The following PPARGC1A variants were observed in gnomAD, a reference collection of about 807,000 sequenced individuals.
PPARGC1A encodes peroxisome proliferator-activated receptor gamma coactivator 1-alpha.
PPARGC1A carries 25 observed loss-of-function variants against 88.7 expected under a neutral mutation model. The ratio of observed to expected loss-of-function variants is 0.28; its 90% CI spans 0.21 to 0.39. The LOEUF is 0.39. Ranked by LOEUF, PPARGC1A falls within the 10% of genes least tolerant of loss-of-function variation. The probability of loss-of-function intolerance (pLI) is 1.00; values close to 1 mark genes in which losing one functional copy is unlikely to be tolerated. For synonymous variants in PPARGC1A, 363 were observed against 355.6 expected, an observed-to-expected ratio of 1.02 and a Z score of -0.24; for missense variants, 880 against 968.7, an observed-to-expected ratio of 0.91 and a Z score of 1.22.
chr4:23,834,210 G>C (rs1725583534), intron 2 of PPARGC1A, among the ~76,000 whole-genome samples: 1 of 152,156 alleles, frequency 6.6e-6, no homozygotes, highest in Non-Finnish European at 1.5e-5. Context: ...TGAGGCAGGA[G>C]AATGGTGTGA....
the PPARGC1A span, among the ~76,000 whole-genome samples, chr4:24,125,405 C>T: frequency 7.8e-4 from 119 of 152,124 alleles, no homozygotes; most frequent in African/African-American, 2.6e-3. Flanking sequence ...TTTCTGATTA[C>T]GTAACCTGGA....
the PPARGC1A span, among the ~76,000 whole-genome samples, chr4:24,088,629 AAGTTT>A: frequency 6.6e-6 from 1 of 152,212 alleles, no homozygotes; most frequent in Non-Finnish European, 1.5e-5. Context: ...TAAGAATTAT[AAGTTT>A]AGTTTAGTGT....
chr4:24,162,003 CACACACA>C, the PPARGC1A span, among the ~76,000 whole-genome samples: 2 of 144,652 alleles, frequency 1.4e-5, no homozygotes, highest in African/African-American at 5.2e-5. Flanking sequence ...CACACACACA[CACACACA>C]CACCATGGAA....
chr4:24,118,001 G>A, the PPARGC1A span, among the ~76,000 whole-genome samples: 20 of 152,146 alleles, frequency 1.3e-4, no homozygotes, highest in East Asian at 3.7e-3. Context: ...GCTGTGTTAG[G>A]CCAACCCATC....
intron 7 of PPARGC1A, among the ~76,000 whole-genome samples, chr4:23,821,860 C>T (rs186084422): frequency 6.6e-6 from 1 of 151,932 alleles, no homozygotes; most frequent in Non-Finnish European, 1.5e-5. Flanking sequence ...GCCCAACATC[C>T]AAGCCAAGGT....
the PPARGC1A span, among the ~76,000 whole-genome samples, chr4:24,354,811 C>T: frequency 1.6e-4 from 24 of 151,960 alleles, no homozygotes; most frequent in Non-Finnish European, 2.6e-4. Context: ...GGCATGAACC[C>T]GGGAGGCGGA....
the PPARGC1A span, among the ~76,000 whole-genome samples, chr4:24,134,232 G>A: frequency 1.3e-5 from 2 of 152,180 alleles, no homozygotes; most frequent in African/African-American, 4.8e-5. Context: ...TCAGAATTAA[G>A]GGAAATACAA....
chr4:24,120,991 C>T, the PPARGC1A span, among the ~76,000 whole-genome samples: 1 of 152,206 alleles, frequency 6.6e-6, no homozygotes, highest in Non-Finnish European at 1.5e-5. Context: ...TTTTCTCTCT[C>T]CAATAGCAAC....
At chr4:23,882,693 A>C (rs574646143) in intron 2 of PPARGC1A, 1 of 152,270 alleles carries the variant, frequency 6.6e-6, no homozygotes, top group East Asian at 1.9e-4. Context: ...AGAGTGCTGA[A>C]AATAATTTTA....
chr4:24,049,668 G>C, the PPARGC1A span, among the ~76,000 whole-genome samples: 115 of 152,080 alleles, frequency 7.6e-4, no homozygotes, highest in African/African-American at 2.7e-3. Context: ...TTTGCTCCTT[G>C]CCTCATGGAG....
the PPARGC1A span, among the ~76,000 whole-genome samples, chr4:23,984,918 G>C: frequency 6.6e-6 from 1 of 152,104 alleles, no homozygotes; most frequent in South Asian, 2.1e-4. Context: ...GCATTGGGAA[G>C]TTCTTGATGC....
the PPARGC1A span, among the ~76,000 whole-genome samples, chr4:24,426,664 T>C: frequency 3.9e-5 from 6 of 152,226 alleles, no homozygotes; most frequent in Admixed American, 6.5e-5. Flanking sequence ...GGGCTAGTGC[T>C]CATTGCAGAT....
chr4:23,990,000 T>G, the PPARGC1A span, among the ~76,000 whole-genome samples: 12 of 147,208 alleles, frequency 8.2e-5, no homozygotes, highest in African/African-American at 3.0e-4. Context: ...TATTTATATA[T>G]AGATATGTAT....
chr4:24,302,309 G>C, the PPARGC1A span, among the ~76,000 whole-genome samples: 1 of 152,188 alleles, frequency 6.6e-6, no homozygotes, highest in African/African-American at 2.4e-5. Flanking sequence ...CTGGCATACT[G>C]TATTTGCAGA....
At chr4:23,807,753 GTA>G (rs987357454) in intron 10 of PPARGC1A, among the ~76,000 whole-genome samples, 3 of 143,272 alleles carry the variant, frequency 2.1e-5, no homozygotes, top group Non-Finnish European at 4.4e-5. Context: ...GTGTGTGTGT[GTA>G]TGTGTGTGTG....
the PPARGC1A span, among the ~76,000 whole-genome samples, chr4:24,074,806 T>C: frequency 6.6e-6 from 1 of 152,186 alleles, no homozygotes; most frequent in South Asian, 2.1e-4. Flanking sequence ...CCCTACACCC[T>C]AACTCTGCAC....
At chr4:24,215,903 T>G in the PPARGC1A span, among the ~76,000 whole-genome samples, 1 of 152,182 alleles carries the variant, frequency 6.6e-6, no homozygotes, top group Admixed American at 6.5e-5. Flanking sequence ...GTTCTTATAG[T>G]TCACCCCTAC....
the PPARGC1A span, among the ~76,000 whole-genome samples, chr4:23,990,928 G>A: frequency 1 from 152,192 of 152,194 alleles, 76,095 homozygotes; most frequent in Middle Eastern, 1. Flanking sequence ...GTTCTCCAAA[G>A]CACTGAAATA....
chr4:23,920,001 T>C, the PPARGC1A span, among the ~76,000 whole-genome samples: 7 of 152,268 alleles, frequency 4.6e-5, no homozygotes, highest in East Asian at 3.9e-4. Context: ...TGAGAGGCTA[T>C]GAAAAAAGCA....
Sources: gnomAD v4.1 joint callset for allele counts (sites outside exome capture counted in the v4.1 genomes callset) on GRCh38, gnomAD v4.1.1 for gene constraint, MANE v1.5 for transcripts, NCBI Gene and HGNC (gene_info 2026-07-23, HGNC 2026-07-21) for gene names.